The following ELMO1 variants were observed in gnomAD, a reference collection of about 807,000 sequenced individuals.
ELMO1 encodes engulfment and cell motility 1, also known as engulfment and cell motility protein 1.
In ELMO1, 26 loss-of-function variants were observed where a neutral mutation model predicts 98.9. The ratio of observed to expected loss-of-function variants is 0.26; its 90% confidence interval spans 0.19 to 0.36. The LOEUF is 0.36. Ranked by LOEUF, ELMO1 falls within the 10% of genes least tolerant of loss-of-function variation. The pLI, the probability that ELMO1 is intolerant of heterozygous loss-of-function variation, is 1.00. For synonymous variants in ELMO1, 346 were observed against 346.0 expected (o/e 1.00, Z 0.00); for missense variants, 627 against 935.2 (o/e 0.67, Z 4.30).
intron 13 of ELMO1, among the ~76,000 whole-genome samples, chr7:37,165,320 A>G (rs140730160): frequency 4.0e-5 from 6 of 150,586 alleles, no homozygotes; most frequent in Non-Finnish European, 5.9e-5. Flanking sequence ...TAATTGAATA[A>G]CCTTTATTTC....
chr7:37,034,079 G>A (rs1795040415), intron 15 of ELMO1, among the ~76,000 whole-genome samples: 2 of 152,058 alleles, frequency 1.3e-5, no homozygotes, highest in Admixed American at 6.6e-5. Context: ...GAGATCAGAG[G>A]GAAAAAAATG....
chr7:37,179,272 T>C (rs1403966832), intron 13 of ELMO1, among the ~76,000 whole-genome samples: 1 of 140,260 alleles, frequency 7.1e-6, no homozygotes, highest in East Asian at 2.2e-4. Context: ...AATGTTTGCA[T>C]ATAGCTCTTT....
At chr7:37,355,303 C>A (rs758364169) in intron 1 of ELMO1, among the ~76,000 whole-genome samples, 1 of 152,156 alleles carries the variant, frequency 6.6e-6, no homozygotes, top group East Asian at 1.9e-4. Context: ...GATAAAATAT[C>A]TATAAAGCAA....
chr7:37,001,737 T>C (rs935049351), intron 16 of ELMO1, among the ~76,000 whole-genome samples: 2 of 152,124 alleles, frequency 1.3e-5, no homozygotes, highest in Non-Finnish European at 2.9e-5. Context: ...GAAAATGCAA[T>C]TGCACGTACA....
chr7:37,241,111 T>C (rs1794744260), intron 7 of ELMO1, among the ~76,000 whole-genome samples: 1 of 152,098 alleles, frequency 6.6e-6, no homozygotes, highest in South Asian at 2.1e-4. Flanking sequence ...AGTCAGTGTT[T>C]GCTTCACGTA....
At chr7:36,973,483 G>A (rs190059255) in intron 16 of ELMO1, among the ~76,000 whole-genome samples, 7 of 152,342 alleles carry the variant, frequency 4.6e-5, no homozygotes, top group Non-Finnish European at 4.4e-5. Flanking sequence ...TGCTCCATGA[G>A]AAGGAAACAA....
chr7:37,223,844 A>C (rs946363544), intron 9 of ELMO1, among the ~76,000 whole-genome samples: 12 of 152,344 alleles, frequency 7.9e-5, no homozygotes, highest in African/African-American at 2.4e-4. Context: ...ATCTAATATA[A>C]TCTGCTTTGG....
At chr7:36,866,227 T>G (rs1803023654) in intron 20 of ELMO1, among the ~76,000 whole-genome samples, 2 of 152,246 alleles carry the variant, frequency 1.3e-5, no homozygotes, top group Admixed American at 1.3e-4. Flanking sequence ...TTTAGAATCC[T>G]TAATCCTTGC....
Position 37,224,883 on chromosome 7 carries a change from G to A in ELMO1, c.697C>T (p.Gln233Ter). 1 of 1,613,862 alleles carries A rather than the reference G, an allele frequency of 6.2e-7. No individual in the cohort carries two copies. The highest frequency in any genetic ancestry group is 8.5e-7 in the Non-Finnish European group (1 of 1,179,864). ...ITIGQLIPHLQGSDQEIQTYT... is the reference protein window; with the variant it reads ...ITIGQLIPHL ...AGAGCATCTTGGCATGCTTACCCTTGCAGGTGTGGAATGAGCTGGCCGATG... is the reference window on the plus strand; with the variant it reads ...AGAGCATCTTGGCATGCTTACCCTTACAGGTGTGGAATGAGCTGGCCGATG... The change falls in exon 9 of 22, where the codon CAA (glutamine) becomes TAA (stop). Residue 233 changes from glutamine to a stop codon, truncating the protein, a stop_gained. Coordinates refer to ENST00000310758, the MANE Select transcript of ELMO1 (RefSeq NM_014800.11). LOFTEE classifies it high-confidence loss of function.
At chr7:37,016,810 C>T (rs189553829) in intron 15 of ELMO1, among the ~76,000 whole-genome samples, 41 of 152,288 alleles carry the variant, frequency 2.7e-4, no homozygotes, top group Admixed American at 2.0e-3. Context: ...GAGAAAGGCT[C>T]GGTGACTTCT....
chr7:36,948,345 C>T (rs1787679068), intron 16 of ELMO1, among the ~76,000 whole-genome samples: 1 of 152,152 alleles, frequency 6.6e-6, no homozygotes, highest in Non-Finnish European at 1.5e-5. Context: ...CAGACTCCTT[C>T]AACCAAAGTC....
chr7:37,249,055 A>C (rs2130736609), intron 6 of ELMO1, among the ~76,000 whole-genome samples: 1 of 152,330 alleles, frequency 6.6e-6, no homozygotes, highest in East Asian at 1.9e-4. Flanking sequence ...TCAGTAACGT[A>C]CATTTCGCTG....
chr7:36,917,255 A>G (rs1473144506), intron 16 of ELMO1, among the ~76,000 whole-genome samples: 2 of 152,268 alleles, frequency 1.3e-5, no homozygotes, highest in Admixed American at 1.3e-4. Flanking sequence ...AACAGGAATA[A>G]TATCCTTTTG....
chr7:36,971,752 T>C (rs543316404), intron 16 of ELMO1, among the ~76,000 whole-genome samples: 2 of 152,330 alleles, frequency 1.3e-5, no homozygotes, highest in East Asian at 3.9e-4. Context: ...AGTTAATCCA[T>C]AATCTCGAGT....
chr7:36,992,826 G>A (rs917775944), intron 16 of ELMO1, among the ~76,000 whole-genome samples: 3 of 152,008 alleles, frequency 2.0e-5, no homozygotes, highest in Admixed American at 6.6e-5. Flanking sequence ...TTAAACCCAC[G>A]GCTCACCATG....
intron 4 of ELMO1, among the ~76,000 whole-genome samples, chr7:37,310,475 G>A (rs953472378): frequency 4.6e-5 from 7 of 152,236 alleles, no homozygotes; most frequent in African/African-American, 1.4e-4. Flanking sequence ...GCAGTTATAC[G>A]ATCCATACCA....
At chr7:37,167,409 A>G (rs1563051078) in intron 13 of ELMO1, among the ~76,000 whole-genome samples, 1 of 151,904 alleles carries the variant, frequency 6.6e-6, no homozygotes, top group African/African-American at 2.4e-5. Context: ...TTTGCTCGTT[A>G]GTTGATGCAG....
At position 37,263,154 on chromosome 7, in the gene ELMO1, T is replaced by TA. The variant is rs1487521206; in HGVS notation, c.244-3805dup. Among the ~76,000 whole-genome samples the TA allele has an allele frequency of 3.9e-5, 6 of 151,972 alleles. No homozygotes were observed. The East Asian group carries it at 1.2e-3, about 29-fold the overall frequency. On this transcript the variant is annotated intron_variant, in intron 5 of 21. Transcript: ENST00000310758. The stretch of plus-strand genomic sequence containing the variant: ...ATCTGGAAATACAACATTTATTATA[T>TA]AAAAAAAGTGGGAATCAAAGTTTTT...
In ELMO1 at chr7:37,150,632, T is replaced by C. The variant is rs142424752; in HGVS notation, c.1087-17398A>G. Among the ~76,000 whole-genome samples, 818 of 152,244 alleles carry C rather than the reference T, an allele frequency of 5.4e-3. 12 individuals carry two copies. Among genetic ancestry groups the C allele is most frequent in the African/African-American group, 0.019 (770 of 41,542 alleles). On this transcript the variant is annotated intron_variant, in intron 13 of 21. Transcript: ENST00000310758. The stretch of plus-strand genomic sequence containing the variant: ...GTCAATATATGTTTTATATAGAATA[T>C]TTTCTATGTATTATTATATAAAGTA...
Sources: allele counts gnomAD v4.1 joint callset (sites outside exome capture counted in the v4.1 genomes callset), GRCh38; gene constraint gnomAD v4.1.1; transcripts MANE v1.5; gene names NCBI Gene and HGNC (gene_info 2026-07-23, HGNC 2026-07-21).